The following NOL10 variants were observed in gnomAD, a reference collection of about 807,000 sequenced individuals.
The protein encoded by NOL10 is H_NH0074G24.1.
Under a neutral mutation model 103.5 loss-of-function variants are expected in NOL10, and 58 were observed. The observed-to-expected ratio is 0.56, with a 90% CI of 0.45 to 0.70. The LOEUF (loss-of-function observed/expected upper bound fraction) is 0.70, where lower values mean the gene tolerates loss of function less well. Ranked by LOEUF, NOL10 falls within the 30% of genes least tolerant of loss-of-function variation. The probability of loss-of-function intolerance (pLI) is 0.00; values close to 1 mark genes in which losing one functional copy is unlikely to be tolerated. For synonymous variants in NOL10, 287 were observed against 282.5 expected (o/e 1.02, Z -0.16); for missense variants, 763 against 807.3 (o/e 0.95, Z 0.67).
intron 3 of NOL10, among the ~76,000 whole-genome samples, chr2:10,677,509 C>T (rs1387693154): frequency 2.0e-5 from 3 of 148,012 alleles, no homozygotes; most frequent in Non-Finnish European, 4.5e-5. Context: ...CTCACTCTGT[C>T]AACCAGGCTG....
rs1558270110 is a variant in NOL10, at chr2:10,587,088, CATATATATACACAT to C, written c.1844+1941_1844+1954del. On this transcript the variant is annotated intron_variant, in intron 19 of 20. Coordinates refer to ENST00000381685, the MANE Select transcript of NOL10 (RefSeq NM_024894.4). The stretch of plus-strand genomic sequence containing the variant: ...ATATACATATATATACATATATATA[CATATATATACACAT>C]ATATATACATATATATACATATATA... Among the ~76,000 whole-genome samples the C allele has an allele frequency of 2.2e-3, 72 of 32,418 alleles. 19 individuals carry two copies. Among genetic ancestry groups the C allele is most frequent in the Non-Finnish European group, 3.2e-3 (43 of 13,448 alleles). 21.3% of individuals were successfully genotyped at this position (32,418 alleles called of 152,430 possible).
chr2:10,594,228 C>T (rs1011953205), intron 17 of NOL10, among the ~76,000 whole-genome samples: 3 of 152,172 alleles, frequency 2.0e-5, no homozygotes, highest in East Asian at 1.9e-4. Context: ...AAACAACTCC[C>T]CTAGCAACTT....
At chr2:10,578,804 T>C (rs147691670) in intron 19 of NOL10, among the ~76,000 whole-genome samples, 226 of 152,310 alleles carry the variant, frequency 1.5e-3, no homozygotes, top group Non-Finnish European at 2.9e-3. Flanking sequence ...GCTAAAGCAA[T>C]AGATTCCTAT....
intron 19 of NOL10, among the ~76,000 whole-genome samples, chr2:10,582,798 C>A (rs147430798): frequency 1.3e-5 from 2 of 152,346 alleles, no homozygotes; most frequent in Non-Finnish European, 2.9e-5. Flanking sequence ...TACCCACTTT[C>A]TGTGGCTGAG....
intron 17 of NOL10, among the ~76,000 whole-genome samples, chr2:10,599,218 ACT>A (rs1295832729): frequency 2.6e-5 from 4 of 152,332 alleles, no homozygotes; most frequent in Non-Finnish European, 5.9e-5. Context: ...GATGATAAAG[ACT>A]CTGGCATAAA....
intron 3 of NOL10, among the ~76,000 whole-genome samples, chr2:10,679,732 T>C (rs1216136289): frequency 6.6e-6 from 1 of 152,056 alleles, no homozygotes; most frequent in Non-Finnish European, 1.5e-5. Flanking sequence ...TTCAAGCGAT[T>C]CTCATGCCTC....
chr2:10,649,143 C>G (rs1172545214), intron 12 of NOL10, among the ~76,000 whole-genome samples: 1 of 151,980 alleles, frequency 6.6e-6, no homozygotes, highest in Non-Finnish European at 1.5e-5. Flanking sequence ...CAGGTGAGTG[C>G]CACCATGTCT....
intron 13 of NOL10, among the ~76,000 whole-genome samples, chr2:10,609,431 C>CAA (rs60104799): frequency 0.028 from 3,163 of 111,408 alleles, 118 homozygotes; most frequent in African/African-American, 0.093. Context: ...ACTAAAAATA[C>CAA]AAAAAAAAAA....
At chr2:10,579,613 C>G (rs913969348) in intron 19 of NOL10, among the ~76,000 whole-genome samples, 1 of 149,488 alleles carries the variant, frequency 6.7e-6, no homozygotes, top group Non-Finnish European at 1.5e-5. Context: ...CGGACTCTGG[C>G]ATGCATGTGA....
intron 13 of NOL10, among the ~76,000 whole-genome samples, chr2:10,619,993 C>G (rs1677043612): frequency 6.6e-6 from 1 of 152,234 alleles, no homozygotes; most frequent in African/African-American, 2.4e-5. Context: ...CCCACATGCA[C>G]ACGCACACAT....
rs368136198 is a variant in NOL10 at position 10,600,834 on chromosome 2, C to T, written c.1422+19G>A. 235 of 1,460,708 alleles carry T rather than the reference C, an allele frequency of 1.6e-4. 2 individuals are homozygous for T. The African/African-American group carries it at 2.5e-3, about 15-fold the overall frequency. 90.5% of individuals were successfully genotyped at this position (1,460,708 alleles called of 1,614,324 possible). A position where few individuals can be genotyped will look rare whatever the true frequency, so the allele number is the denominator to read the frequency against. ...TCAACAAAACGCAGAAACAATTTGC[C>T]GATACTTTTTCACCTTACCTTAACT... On this transcript the variant is annotated intron_variant, in intron 17 of 20. Transcript: ENST00000381685.
At chr2:10,623,713 T>G (rs549281375) in intron 13 of NOL10, among the ~76,000 whole-genome samples, 28 of 152,220 alleles carry the variant, frequency 1.8e-4, no homozygotes, top group African/African-American at 6.5e-4. Context: ...GCCCCCCAAA[T>G]ACTCAAAACT....
chr2:10,680,080 G>C (rs955256679), intron 3 of NOL10, among the ~76,000 whole-genome samples: 3 of 151,924 alleles, frequency 2.0e-5, no homozygotes, highest in Non-Finnish European at 2.9e-5. Flanking sequence ...TTCGAGACCA[G>C]CCTGGCCAAC....
chr2:10,678,421 TAA>T (rs34336101), intron 3 of NOL10, among the ~76,000 whole-genome samples: 89 of 116,698 alleles, frequency 7.6e-4, no homozygotes, highest in African/African-American at 2.5e-3. Context: ...AAAAAAGTGG[TAA>T]AAAAAAAAAA....
rs545301633 is a variant in NOL10, at chr2:10,637,157, C to G, written c.1026+7163G>C. On this transcript the variant is annotated intron_variant, in intron 13 of 20. Coordinates refer to ENST00000381685, the MANE Select transcript of NOL10 (RefSeq NM_024894.4). Reference sequence around the variant, plus strand: ...TGGAGGTTGATTGTGCTACTGCACTCTAATCTGGGCCACGGAGCAAGACAC... The same window carrying G: ...TGGAGGTTGATTGTGCTACTGCACTGTAATCTGGGCCACGGAGCAAGACAC... Among the ~76,000 whole-genome samples, 127 of 118,444 alleles carry G rather than the reference C, an allele frequency of 1.1e-3. 1 individual carries two copies. The Middle Eastern group carries it at 0.039, about 37-fold the overall frequency. 77.7% of individuals were successfully genotyped at this position (118,444 alleles called of 152,430 possible).
Position 10,654,469 on chromosome 2 carries a change from C to A in NOL10, c.973+12G>T, listed in dbSNP as rs762212638. 1.3e-6 allele frequency: 2 copies of A among 1,560,730 alleles called. No individual in the cohort carries two copies. Among genetic ancestry groups the A allele is most frequent in the Non-Finnish European group, 1.7e-6 (2 of 1,144,320 alleles). On this transcript the variant is annotated intron_variant, in intron 12 of 20. Coordinates refer to ENST00000381685, the MANE Select transcript of NOL10 (RefSeq NM_024894.4). ...TATTTGTCTCACTGAACGTTCACTA[C>A]AGAATGCATACCTGAGTTGGGGTAG...
In NOL10 at chr2:10,608,614, C is replaced by T. The variant is rs140272488; in HGVS notation, c.1027-1303G>A. 1.6e-3 allele frequency among the ~76,000 whole-genome samples: 250 copies of T among 151,958 alleles called. 1 individual carries two copies. Among genetic ancestry groups the T allele is most frequent in the African/African-American group, 5.8e-3 (240 of 41,420 alleles). On this transcript the variant is annotated intron_variant, in intron 13 of 20. Coordinates refer to ENST00000381685, the MANE Select transcript of NOL10 (RefSeq NM_024894.4). Reference sequence around the variant, plus strand: ...GCAATCAAGCATACTGGAAAAAAACCCAGAAATCATAATGGAAATTATTAA... The same window carrying T: ...GCAATCAAGCATACTGGAAAAAAACTCAGAAATCATAATGGAAATTATTAA...
Position 10,659,571 on chromosome 2 carries a change from C to A in NOL10, c.678-321G>T, listed in dbSNP as rs145171166. Among the ~76,000 whole-genome samples, 641 of 151,868 alleles carry A rather than the reference C, an allele frequency of 4.2e-3. 9 individuals are homozygous for A. Among genetic ancestry groups the A allele is most frequent in the African/African-American group, 0.014 (591 of 41,412 alleles). Reference sequence around the variant, plus strand: ...TGGTGGCACACACCTGTTGTCCCAGCTACTTGGGTGGCTGAGGCAAGAGAC... The same window carrying A: ...TGGTGGCACACACCTGTTGTCCCAGATACTTGGGTGGCTGAGGCAAGAGAC... On this transcript the variant is annotated intron_variant, in intron 9 of 20. Transcript: ENST00000381685.
chr2:10,643,510 T>TA (rs1678857827), intron 13 of NOL10, among the ~76,000 whole-genome samples: 1 of 152,162 alleles, frequency 6.6e-6, no homozygotes, highest in Non-Finnish European at 1.5e-5. Flanking sequence ...TTTTTTACTA[T>TA]AAACTTAAAG....
Sources: allele counts gnomAD v4.1 joint callset (sites outside exome capture counted in the v4.1 genomes callset), GRCh38; gene constraint gnomAD v4.1.1; transcripts MANE v1.5; gene names NCBI Gene and HGNC (gene_info 2026-07-23, HGNC 2026-07-21).